Variants in VAV3 observed in about 807,000 individuals in gnomAD.
VAV3 encodes guanine nucleotide exchange factor VAV3.
In VAV3, 94 loss-of-function variants were observed where a neutral mutation model predicts 131.2. That is an observed-to-expected ratio of 0.72 (90% CI 0.61 to 0.85). The LOEUF is 0.85. Among genes scored for constraint, VAV3 ranks in the 40% least tolerant of loss-of-function variants. The probability of loss-of-function intolerance (pLI) is 0.00; values close to 1 mark genes in which losing one functional copy is unlikely to be tolerated. For missense variants in VAV3, 939 were observed against 1,002.7 expected (o/e 0.94, Z 0.86); for synonymous variants, 349 against 342.0 (o/e 1.02, Z -0.22).
chr1:107,630,080 T>C (rs1348899601), intron 20 of VAV3, among the ~76,000 whole-genome samples: 3 of 152,200 alleles, frequency 2.0e-5, no homozygotes, highest in Non-Finnish European at 4.4e-5. Flanking sequence ...CGATAAGTTT[T>C]CTAGATTTTT....
chr1:107,902,295 C>A (rs1050632511), intron 1 of VAV3, among the ~76,000 whole-genome samples: 1 of 152,100 alleles, frequency 6.6e-6, no homozygotes. Context: ...ATTGAATGTA[C>A]AATATCTTTT....
intron 18 of VAV3, among the ~76,000 whole-genome samples, chr1:107,685,128 G>A (rs1483853791): frequency 6.6e-6 from 1 of 152,034 alleles, no homozygotes; most frequent in African/African-American, 2.4e-5. Flanking sequence ...TCCCATGTAG[G>A]AACTATAAAC....
intron 1 of VAV3, among the ~76,000 whole-genome samples, chr1:107,899,402 C>T (rs1671755631): frequency 6.6e-6 from 1 of 152,030 alleles, no homozygotes; most frequent in South Asian, 2.1e-4. Context: ...AGATGTGGTC[C>T]CTCATGTTCA....
intron 2 of VAV3, among the ~76,000 whole-genome samples, chr1:107,780,647 C>CTGGGT (rs1402709569): frequency 1.3e-5 from 2 of 152,088 alleles, no homozygotes; most frequent in African/African-American, 4.8e-5. Flanking sequence ...TCTCAAGTAG[C>CTGGGT]TGGGATTACA....
chr1:107,810,771 C>G (rs1342404862), intron 2 of VAV3, among the ~76,000 whole-genome samples: 1 of 151,948 alleles, frequency 6.6e-6, no homozygotes, highest in South Asian at 2.1e-4. Context: ...TCCAGGATAT[C>G]CTGAGATCAT....
chr1:107,640,537 T>C (rs1201673079), intron 20 of VAV3, among the ~76,000 whole-genome samples: 5 of 152,216 alleles, frequency 3.3e-5, no homozygotes, highest in African/African-American at 9.6e-5. Flanking sequence ...AGGGATGATA[T>C]TGGATATGTT....
intron 2 of VAV3, among the ~76,000 whole-genome samples, chr1:107,833,706 C>T (rs1482998130): frequency 6.6e-6 from 1 of 152,116 alleles, no homozygotes; most frequent in Non-Finnish European, 1.5e-5. Flanking sequence ...GTGGTCAGTG[C>T]CTATTTCACT....
intron 15 of VAV3, among the ~76,000 whole-genome samples, chr1:107,739,959 AT>A (rs1365674765): frequency 6.6e-6 from 1 of 152,184 alleles, no homozygotes; most frequent in Non-Finnish European, 1.5e-5. Context: ...TGGGAAGAAA[AT>A]GCATCAAGAG....
In VAV3 at chr1:107,598,984, T is replaced by C. The variant is rs138273611; in HGVS notation, c.2221-2643A>G. ...TTCAACGTAATTTTGTTATAGGTAATATGAATTTTATGATTTTTGCTATGA... is the reference window on the plus strand; with the variant it reads ...TTCAACGTAATTTTGTTATAGGTAACATGAATTTTATGATTTTTGCTATGA... On this transcript the variant is annotated intron_variant, in intron 24 of 26. Transcript: ENST00000370056. Among the ~76,000 whole-genome samples, 421 of 152,332 alleles carry C rather than the reference T, an allele frequency of 2.8e-3. 2 individuals are homozygous for C. The highest frequency in any genetic ancestry group is 9.6e-3 in the African/African-American group (399 of 41,580).
chr1:107,577,283 C>T (rs537795105), intron 25 of VAV3, among the ~76,000 whole-genome samples: 4 of 152,188 alleles, frequency 2.6e-5, no homozygotes, highest in Admixed American at 6.5e-5. Context: ...CTCCAGGGTA[C>T]CTGCTCTTAG....
chr1:107,575,000 T>TGC (rs1219875000), intron 25 of VAV3, among the ~76,000 whole-genome samples: 5 of 103,858 alleles, frequency 4.8e-5, no homozygotes, highest in African/African-American at 1.9e-4. Flanking sequence ...TGTGCGTGCG[T>TGC]GCGCGCGCGC....
intron 1 of VAV3, among the ~76,000 whole-genome samples, chr1:107,943,779 C>T (rs966196458): frequency 7.2e-5 from 11 of 152,214 alleles, no homozygotes; most frequent in African/African-American, 2.7e-4. Context: ...GTGGCTTTTA[C>T]AGTTTGAAGT....
In VAV3 at chr1:107,889,661, G is replaced by C. The variant is rs184091535; in HGVS notation, c.205-14644C>G. On this transcript the variant is annotated intron_variant, in intron 1 of 26. Coordinates refer to ENST00000370056, the MANE Select transcript of VAV3 (RefSeq NM_006113.5). ...ACCCTACACCACATCTGCCTTACAA[G>C]AGTAGAGTGGCAATAAATAACTACT... Among the ~76,000 whole-genome samples, 280 of 152,320 alleles carry C rather than the reference G, an allele frequency of 1.8e-3. 2 individuals are homozygous for C. Among genetic ancestry groups the C allele is most frequent in the Admixed American group, 7.7e-3 (118 of 15,306 alleles).
At chr1:107,788,279 T>C (rs921876487) in intron 2 of VAV3, among the ~76,000 whole-genome samples, 2 of 152,020 alleles carry the variant, frequency 1.3e-5, no homozygotes, top group Admixed American at 6.6e-5. Flanking sequence ...AATTCTTAAA[T>C]GCAGAGTGCC....
intron 20 of VAV3, among the ~76,000 whole-genome samples, chr1:107,635,635 A>T (rs569186138): frequency 1.5e-4 from 23 of 152,136 alleles, no homozygotes; most frequent in African/African-American, 5.1e-4. Context: ...TAAATTTTTT[A>T]AAAAATCACA....
At chr1:107,867,893 A>G (rs1670074342) in intron 2 of VAV3, among the ~76,000 whole-genome samples, 1 of 152,212 alleles carries the variant, frequency 6.6e-6, no homozygotes, top group Non-Finnish European at 1.5e-5. Context: ...TTGCTGACAG[A>G]ATACAAGGAG....
intron 1 of VAV3, among the ~76,000 whole-genome samples, chr1:107,939,161 T>C (rs1215934203): frequency 6.6e-6 from 1 of 152,260 alleles, no homozygotes; most frequent in Non-Finnish European, 1.5e-5. Flanking sequence ...AGTTTTTTTT[T>C]CTAAACACTA....
intron 4 of VAV3, among the ~76,000 whole-genome samples, chr1:107,773,899 A>C (rs903255929): frequency 2.0e-5 from 3 of 152,024 alleles, no homozygotes; most frequent in Non-Finnish European, 2.9e-5. Flanking sequence ...AGCAAAATGG[A>C]CTGAAATTCA....
At chr1:107,726,401 G>A (rs1661840591) in intron 15 of VAV3, among the ~76,000 whole-genome samples, 2 of 152,316 alleles carry the variant, frequency 1.3e-5, no homozygotes, top group South Asian at 4.1e-4. Context: ...ACTTTTCATG[G>A]AGAGGTGTGG....
Sources: gnomAD v4.1 joint callset for allele counts (sites outside exome capture counted in the v4.1 genomes callset) on GRCh38, gnomAD v4.1.1 for gene constraint, MANE v1.5 for transcripts, NCBI Gene and HGNC (gene_info 2026-07-23, HGNC 2026-07-21) for gene names.